Variants in PDE3A observed in about 807,000 individuals in gnomAD.
PDE3A encodes the protein cGMP-inhibited 3',5'-cyclic phosphodiesterase 3A.
In PDE3A, 43 loss-of-function variants were observed where a neutral mutation model predicts 98.3. The ratio of observed to expected loss-of-function variants is 0.44; its 90% confidence interval spans 0.34 to 0.56. The LOEUF (loss-of-function observed/expected upper bound fraction) is 0.56, where lower values mean the gene tolerates loss of function less well. Ranked by LOEUF, PDE3A falls within the 20% of genes least tolerant of loss-of-function variation. PDE3A has a pLI of 0.01. For synonymous variants in PDE3A, 663 were observed against 567.9 expected, an observed-to-expected ratio of 1.17 and a Z score of -2.38; for missense variants, 1,427 against 1,440.7, an observed-to-expected ratio of 0.99 and a Z score of 0.15.
intron 1 of PDE3A, among the ~76,000 whole-genome samples, chr12:20,537,460 G>T (rs1941776001): frequency 6.6e-6 from 1 of 151,966 alleles, no homozygotes; most frequent in Non-Finnish European, 1.5e-5. Context: ...GTTGATATTT[G>T]TTTTCATGAT....
chr12:20,485,470 A>G (rs1449215984), intron 1 of PDE3A, among the ~76,000 whole-genome samples: 3 of 152,182 alleles, frequency 2.0e-5, no homozygotes, highest in South Asian at 2.1e-4. Flanking sequence ...AATTCAACCC[A>G]TAAGAATTCT....
chr12:20,449,990 A>C, intron 1 of PDE3A: 1 of 709,632 alleles, frequency 1.4e-6, no homozygotes, highest in Non-Finnish European at 2.5e-6. Context: ...AGCCCTTGCC[A>C]AGTCAATAAA....
intron 8 of PDE3A, among the ~76,000 whole-genome samples, chr12:20,636,873 C>T (rs893847247): frequency 7.2e-5 from 11 of 152,138 alleles, no homozygotes; most frequent in African/African-American, 2.7e-4. Context: ...AGGCAAGCAC[C>T]TAATAGTGCA....
chr12:20,637,281 C>A (rs1944537127), intron 9 of PDE3A, 44 bp downstream of exon 9: 1 of 1,455,034 alleles, frequency 6.9e-7, no homozygotes, highest in Non-Finnish European at 9.4e-7. Context: ...ATAGGAAAAA[C>A]AGTTCCTTTG....
chr12:20,428,091 A>G (rs1015341364), intron 1 of PDE3A, among the ~76,000 whole-genome samples: 2 of 152,080 alleles, frequency 1.3e-5, no homozygotes, highest in Non-Finnish European at 2.9e-5. Flanking sequence ...ACATCCAATT[A>G]GGTAATTCTG....
rs33973053 is a variant in PDE3A, at chr12:20,537,849, T to TA, written c.961-18793dup. Among the ~76,000 whole-genome samples the TA allele has an allele frequency of 2.4e-3, 348 of 145,192 alleles. 1 individual carries two copies. The highest frequency in any genetic ancestry group is 6.8e-3 in the African/African-American group (270 of 39,586). ...TTGTAGGACTATCTGCCTTTGTTCT[T>TA]AAAAAAAAAAAAAAAAAACTTGTGA... is the stretch of plus-strand genomic sequence containing the variant. On this transcript the variant is annotated intron_variant, in intron 1 of 15. Transcript: ENST00000359062.
At chr12:20,630,876 C>T (rs1044467900) in intron 6 of PDE3A, among the ~76,000 whole-genome samples, 3 of 151,938 alleles carry the variant, frequency 2.0e-5, no homozygotes, top group African/African-American at 7.3e-5. Flanking sequence ...ATGAGAGTAC[C>T]TTGAATAAAA....
intron 10 of PDE3A, among the ~76,000 whole-genome samples, chr12:20,640,509 A>G (rs550029974): frequency 6.6e-6 from 1 of 152,234 alleles, no homozygotes; most frequent in South Asian, 2.1e-4. Context: ...AAAATAGAAA[A>G]GACATATGGA....
chr12:20,640,443 C>T (rs957096032), intron 10 of PDE3A, among the ~76,000 whole-genome samples: 3 of 151,786 alleles, frequency 2.0e-5, no homozygotes, highest in South Asian at 2.1e-4. Context: ...GTTTTCTCCA[C>T]GTAAGATAAA....
Position 20,552,604 on chromosome 12 carries a change from G to C in PDE3A, c.961-4056G>C, listed in dbSNP as rs2049419470. 6 of 1,613,678 alleles carry C rather than the reference G, an allele frequency of 3.7e-6. No homozygotes were observed. The African/African-American group carries it at 8.0e-5, about 22-fold the overall frequency. Reference sequence around the variant, plus strand: ...GTCGGCAGGAGGTGGCCCGAGCAGGGCCGGGTCCCCGCGCCGGACATCCAA... The same window carrying C: ...GTCGGCAGGAGGTGGCCCGAGCAGGCCCGGGTCCCCGCGCCGGACATCCAA... On this transcript the variant is annotated intron_variant, in intron 1 of 15. Coordinates refer to ENST00000359062, the MANE Select transcript of PDE3A (RefSeq NM_000921.5). The surrounding 1 kb of genome is among the most constrained non-coding windows in gnomAD (Gnocchi z 5.1).
intron 2 of PDE3A, among the ~76,000 whole-genome samples, chr12:20,582,117 G>T (rs2121346594): frequency 6.6e-6 from 1 of 152,152 alleles, no homozygotes; most frequent in South Asian, 2.1e-4. Context: ...TTAATAAAAA[G>T]ACATTTGTCT....
chr12:20,645,049 C>T (rs144828529), intron 10 of PDE3A, among the ~76,000 whole-genome samples: 3,690 of 151,882 alleles, frequency 0.024, 84 homozygotes, highest in African/African-American at 0.058. Context: ...CCACCACGCT[C>T]GGCTAATTTT....
In PDE3A at chr12:20,688,334, T is replaced by C. The variant is rs535194518; in HGVS notation, c.*8063T>C. ...AGGCGACTTAGTGGCGGAGAAATGT[T>C]TGTAAAAAGTAGAATCTGTACAGAA... On this transcript the variant is annotated 3_prime_UTR_variant, in exon 16 of 16. Coordinates refer to ENST00000359062, the MANE Select transcript of PDE3A (RefSeq NM_000921.5). Among the ~76,000 whole-genome samples the C allele has an allele frequency of 1.3e-5, 2 of 151,982 alleles. No homozygotes were observed. Among genetic ancestry groups the C allele is most frequent in the Non-Finnish European group, 2.9e-5 (2 of 67,940 alleles).
intron 1 of PDE3A, among the ~76,000 whole-genome samples, chr12:20,398,023 C>T (rs1944049062): frequency 6.6e-6 from 1 of 150,628 alleles, no homozygotes; most frequent in African/African-American, 2.4e-5. Context: ...ATTCATCCCT[C>T]CATGAGAATG....
chr12:20,613,819 G>A (rs983883218), intron 3 of PDE3A, 119 bp downstream of exon 3: 27 of 687,490 alleles, frequency 3.9e-5, no homozygotes, highest in African/African-American at 1.1e-4. Context: ...CAGGCAAAAT[G>A]TGTTGATCGT....
At chr12:20,472,114 A>G (rs1945449904) in intron 1 of PDE3A, among the ~76,000 whole-genome samples, 1 of 152,050 alleles carries the variant, frequency 6.6e-6, no homozygotes, top group Non-Finnish European at 1.5e-5. Flanking sequence ...TCATTTTTGG[A>G]TACTACCCTA....
At chr12:20,448,115 A>G (rs1333807404) in intron 1 of PDE3A, among the ~76,000 whole-genome samples, 1 of 152,154 alleles carries the variant, frequency 6.6e-6, no homozygotes, top group Admixed American at 6.6e-5. Context: ...CATTAACCAT[A>G]TATTAAAACT....
chr12:20,630,920 T>A (rs1236230407), intron 6 of PDE3A, among the ~76,000 whole-genome samples: 1 of 152,198 alleles, frequency 6.6e-6, no homozygotes, highest in African/African-American at 2.4e-5. Context: ...TGAGGATAAC[T>A]ATTTGAATAA....
intron 1 of PDE3A, among the ~76,000 whole-genome samples, chr12:20,430,108 A>G (rs1045679137): frequency 3.9e-5 from 6 of 152,146 alleles, no homozygotes; most frequent in African/African-American, 1.4e-4. Flanking sequence ...TCTGAAATGA[A>G]CCTATTTGTA....
Sources: gnomAD v4.1 joint callset for allele counts (sites outside exome capture counted in the v4.1 genomes callset) on GRCh38, gnomAD v4.1.1 for gene constraint, Gnocchi (gnomAD v3.1) non-coding constraint, MANE v1.5 for transcripts, NCBI Gene and HGNC (gene_info 2026-07-23, HGNC 2026-07-21) for gene names.